PRODH2: variants seen among roughly 807,000 people sequenced by gnomAD.
PRODH2 encodes the protein proline dehydrogenase 2, also known as hydroxyproline dehydrogenase.
In PRODH2, 49 loss-of-function variants were observed where a neutral mutation model predicts 51.9. That is an observed-to-expected ratio of 0.94 (90% CI 0.75 to 1.20). The LOEUF is 1.20. Ranked by LOEUF, PRODH2 falls within the 50% of genes most tolerant of loss-of-function variation. The pLI is 0.00. For missense variants in PRODH2, 597 were observed against 610.9 expected (o/e 0.98, Z 0.24); for synonymous variants, 249 against 260.7 (o/e 0.96, Z 0.43).
chr19:35,800,159 T>G lies in PRODH2; in HGVS notation c.1262A>C (p.Tyr421Ser). 1 of 1,604,446 alleles carries G rather than the reference T, an allele frequency of 6.2e-7. No homozygotes were observed. The change falls in exon 10 of 10, where the codon TAC (tyrosine) becomes TCC (serine). Residue 421 changes from tyrosine to serine, a missense_variant. Tyr to Ser is a moderately radical substitution (Grantham distance 144, BLOSUM62 -2). Transcript: ENST00000653904. ...GTTCTCCTGGGCCCTCCGGATCAGGTAGGGGATTACCTCCTCCAAGGAGCC... is the reference window on the plus strand; with the variant it reads ...GTTCTCCTGGGCCCTCCGGATCAGGGAGGGGATTACCTCCTCCAAGGAGCC... The part of the protein sequence containing the change: ...PYGSLEEVIP[Y>S]LIRRAQENRS...
At chr19:35,809,087 T>G (rs895163213) in intron 4 of PRODH2, among the ~76,000 whole-genome samples, 2 of 150,338 alleles carry the variant, frequency 1.3e-5, no homozygotes, top group Non-Finnish European at 2.9e-5. Context: ...GGCCCTTTTT[T>G]CTTTCTTTCT....
At chr19:35,809,848 A>G (rs1364383838) in intron 4 of PRODH2, among the ~76,000 whole-genome samples, 2 of 148,320 alleles carry the variant, frequency 1.3e-5, no homozygotes, top group Non-Finnish European at 3.0e-5. Context: ...AGCCCCAGCT[A>G]CTCAGGAGGC....
chr19:35,811,455 G>A (rs865873409), intron 4 of PRODH2, among the ~76,000 whole-genome samples: 1 of 111,796 alleles, frequency 8.9e-6, no homozygotes, highest in East Asian at 2.6e-4. Context: ...AAGGAAGGAA[G>A]GAAGGGAGGG....
Position 35,803,081 on chromosome 19 carries a change from GA to G in PRODH2, c.1002-4del, listed in dbSNP as rs1972459104. ...TCAGTTCCAGGCAGCGGCTGTAACTGAAGGGAGATGCTCTGTTCAGCTCACC... is the reference window on the plus strand; with the variant it reads ...TCAGTTCCAGGCAGCGGCTGTAACTGAGGGAGATGCTCTGTTCAGCTCACC... On this transcript the variant is annotated splice_region_variant and splice_polypyrimidine_tract_variant and intron_variant, in intron 7 of 9. Coordinates refer to ENST00000653904, the MANE Select transcript of PRODH2 (RefSeq NM_021232.2). 1.3e-6 allele frequency: 2 copies of G among 1,529,494 alleles called. No homozygotes were observed. The highest frequency in any genetic ancestry group is 2.0e-5 in the Admixed American group (1 of 50,814). 94.7% of individuals were successfully genotyped at this position (1,529,494 alleles called of 1,614,324 possible). A position where few individuals can be genotyped will look rare whatever the true frequency, so the allele number is the denominator to read the frequency against.
In PRODH2 at chr19:35,812,028, G is replaced by A; in HGVS notation, c.531C>T (p.Val177=). The A allele has an allele frequency of 6.2e-7, 1 of 1,614,196 alleles. No homozygotes were observed. Among genetic ancestry groups the A allele is most frequent in the Non-Finnish European group, 8.5e-7 (1 of 1,180,024 alleles). ...TRLCKELASW[V]RRPGASLELS... is the part of the protein sequence containing the mutation. ...GCTCCAAGGAGGCTCCTGGCCTTCT[G>A]ACCCACGAGGCTAGCTCCTTCTGAA... Residue 177 remains valine (V), a synonymous_variant, in exon 4 of 10, where the codon GTC becomes GTT. Coordinates refer to ENST00000653904, the MANE Select transcript of PRODH2 (RefSeq NM_021232.2).
rs776690203 is a variant in PRODH2 at position 35,806,813 on chromosome 19, G to A, written c.696C>T (p.His232=). 5.6e-6 allele frequency: 9 copies of A among 1,607,996 alleles called. No individual in the cohort carries two copies. The highest frequency in any genetic ancestry group is 2.7e-5 in the African/African-American group (2 of 74,732). ...ACTCCGCATCCACCAGGAGCCGCAC[G>A]TGCTGGGCCCGGGCATACTGATGGC... The part of the protein sequence containing the change: ...HRVAQYARAQ[H]VRLLVDAEYT... The change falls in exon 6 of 10, where the codon CAC becomes CAT. Residue 232 remains histidine (H), a synonymous_variant. Transcript: ENST00000653904.
Position 35,806,428 on chromosome 19 carries a change from A to T in PRODH2, c.1001+2T>A. The T allele has an allele frequency of 6.2e-7, 1 of 1,613,920 alleles. No individual in the cohort carries two copies. Among genetic ancestry groups the T allele is most frequent in the Non-Finnish European group, 8.5e-7 (1 of 1,179,972 alleles). ...TGCAGAGGCCAGCTGGCCCGGGCCT[A>T]CCTCTGACTGGTGGCCTCATAGTCA... On this transcript the variant is annotated splice_donor_variant, in intron 7 of 9. Coordinates refer to ENST00000653904, the MANE Select transcript of PRODH2 (RefSeq NM_021232.2). LOFTEE classifies it high-confidence loss of function.
Position 35,800,402 on chromosome 19 carries a change from C to T in PRODH2, c.1199-180G>A, listed in dbSNP as rs150300323. Among the ~76,000 whole-genome samples, 407 of 152,258 alleles carry T rather than the reference C, an allele frequency of 2.7e-3. 1 individual carries two copies. The highest frequency in any genetic ancestry group is 4.2e-3 in the Non-Finnish European group (287 of 68,018). ...TGGCTGGGATTATAGGCGCTTGCCACGACGCCCGGCTCATTTTTGTATTTT... is the reference window on the plus strand; with the variant it reads ...TGGCTGGGATTATAGGCGCTTGCCATGACGCCCGGCTCATTTTTGTATTTT... On this transcript the variant is annotated intron_variant, in intron 9 of 9. Coordinates refer to ENST00000653904, the MANE Select transcript of PRODH2 (RefSeq NM_021232.2).
At chr19:35,806,166 G>A (rs1208505600) in intron 7 of PRODH2, among the ~76,000 whole-genome samples, 1 of 152,066 alleles carries the variant, frequency 6.6e-6, no homozygotes, top group Non-Finnish European at 1.5e-5. Flanking sequence ...GCTCACTGCA[G>A]CCTTGAACTC....
intron 9 of PRODH2, among the ~76,000 whole-genome samples, chr19:35,801,403 T>C (rs923495024): frequency 6.6e-6 from 1 of 152,000 alleles, no homozygotes; most frequent in African/African-American, 2.4e-5. Flanking sequence ...GAGGCAAAGG[T>C]TGCAGTGAGC....
At position 35,812,393 on chromosome 19, in the gene PRODH2, G is replaced by A. The variant is rs764308248; in HGVS notation, c.338C>T (p.Thr113Ile). The A allele has an allele frequency of 1.9e-6, 3 of 1,614,018 alleles. No homozygotes were observed. In the African/African-American group the frequency reaches 4.0e-5, roughly 22 times the overall value. ...GGCAGCAGAGTCCGGCTCCTCCTCA[G>A]TGGGCACTGCCAGCAGTGGTCGGAG... The part of the protein sequence containing the change: ...LSLRPLLAVP[T>I]EEEPDSAAKS... The change falls in exon 2 of 10, where the codon ACT (threonine) becomes ATT (isoleucine). Residue 113 changes from threonine to isoleucine, a missense_variant. Coordinates refer to ENST00000653904, the MANE Select transcript of PRODH2 (RefSeq NM_021232.2).
At chr19:35,804,612 C>A (rs1972482464) in intron 7 of PRODH2, among the ~76,000 whole-genome samples, 1 of 152,184 alleles carries the variant, frequency 6.6e-6, no homozygotes, top group Non-Finnish European at 1.5e-5. Flanking sequence ...AGAGCCCAGG[C>A]TCCTTATCGG....
intron 4 of PRODH2, among the ~76,000 whole-genome samples, chr19:35,810,131 A>G (rs8103616): frequency 1 from 149,698 of 149,706 alleles, 74,845 homozygotes; most frequent in Non-Finnish European, 1. Context: ...AGCCAGGTGT[A>G]ATGGCAGGCG....
At position 35,800,146 on chromosome 19, in the gene PRODH2, C is replaced by T. The variant is rs538895796; in HGVS notation, c.1275G>A (p.Arg425=). ...LEEVIPYLIR[R]AQENRSVLQG... Reference sequence around the variant, plus strand: ...GAAGCACGCTCCGGTTCTCCTGGGCCCTCCGGATCAGGTAGGGGATTACCT... The same window carrying T: ...GAAGCACGCTCCGGTTCTCCTGGGCTCTCCGGATCAGGTAGGGGATTACCT... The change falls in exon 10 of 10, where the codon AGG becomes AGA. Residue 425 remains arginine (R), a synonymous_variant. Coordinates refer to ENST00000653904, the MANE Select transcript of PRODH2 (RefSeq NM_021232.2). 1.2e-5 allele frequency: 20 copies of T among 1,606,118 alleles called. No homozygotes were observed. The highest frequency in any genetic ancestry group is 1.6e-5 in the Non-Finnish European group (19 of 1,176,108).
At chr19:35,802,489 C>G in intron 8 of PRODH2, 1 of 599,024 alleles carries the variant, frequency 1.7e-6, no homozygotes, top group Non-Finnish European at 3.0e-6. Flanking sequence ...CATGCCCCAG[C>G]AAATAAGGGG....
Position 35,800,227 on chromosome 19 carries a change from AG to A in PRODH2, c.1199-6del. 6.5e-7 allele frequency: 1 copy of A among 1,549,114 alleles called. No individual in the cohort carries two copies. Among genetic ancestry groups the A allele is most frequent in the Admixed American group, 2.0e-5 (1 of 49,124 alleles). ...ACACTACATAGCCGGCCTGCCCTGC[AG>A]GGAGAGTGGGTTTTGTTTTTTCGTT... On this transcript the variant is annotated splice_region_variant and splice_polypyrimidine_tract_variant and intron_variant, in intron 9 of 9. Coordinates refer to ENST00000653904, the MANE Select transcript of PRODH2 (RefSeq NM_021232.2).
chr19:35,804,849 T>C (rs1374817572), intron 7 of PRODH2, among the ~76,000 whole-genome samples: 2 of 152,128 alleles, frequency 1.3e-5, no homozygotes, highest in African/African-American at 4.8e-5. Context: ...GGTGGGAGGA[T>C]GGCTTGGGCC....
At chr19:35,802,375 T>C (rs1972446875) in intron 8 of PRODH2, 99 bp from the exon 9 acceptor site, 3 of 1,030,068 alleles carry the variant, frequency 2.9e-6, no homozygotes, top group South Asian at 1.3e-5. Flanking sequence ...AATTCAAACA[T>C]TGAAGTATTT....
rs1399700221 is a variant in PRODH2 at position 35,800,222 on chromosome 19, C to T, written c.1199G>A (p.Gly400Glu). Residue 400 changes from glycine to glutamate, a missense_variant and splice_region_variant, in exon 10 of 10, where the codon GGG (glycine) becomes GAG (glutamate). Coordinates refer to ENST00000653904, the MANE Select transcript of PRODH2 (RefSeq NM_021232.2). ...GMCDHVSLAL[G>E]QAGYVVYKSI... ...CTTATACACTACATAGCCGGCCTGC[C>T]CTGCAGGGAGAGTGGGTTTTGTTTT... The T allele has an allele frequency of 1.3e-6, 2 of 1,558,280 alleles. No homozygotes were observed. Among genetic ancestry groups the T allele is most frequent in the South Asian group, 2.4e-5 (2 of 84,506 alleles).
Sources: gnomAD v4.1 joint callset for allele counts (sites outside exome capture counted in the v4.1 genomes callset) on GRCh38, gnomAD v4.1.1 for gene constraint, MANE v1.5 for transcripts, NCBI Gene and HGNC (gene_info 2026-07-23, HGNC 2026-07-21) for gene names.